Variants in ANKS1B observed in about 807,000 individuals in gnomAD.
ANKS1B encodes ankyrin repeat and sterile alpha motif domain containing 1B.
Under a neutral mutation model 148.3 loss-of-function variants are expected in ANKS1B, and 36 were observed. The ratio of observed to expected loss-of-function variants is 0.24; its 90% CI spans 0.19 to 0.32. The LOEUF (loss-of-function observed/expected upper bound fraction) is 0.32, where lower values mean the gene tolerates loss of function less well. Ranked by LOEUF, ANKS1B falls within the 10% of genes least tolerant of loss-of-function variation. The probability of loss-of-function intolerance (pLI) is 1.00; values close to 1 mark genes in which losing one functional copy is unlikely to be tolerated. For missense variants in ANKS1B, 1,157 were observed against 1,542.6 expected, an observed-to-expected ratio of 0.75 and a Z score of 4.19; for synonymous variants, 542 against 560.8, an observed-to-expected ratio of 0.97 and a Z score of 0.47.
At chr12:99,564,778 A>G (rs1044494928) in intron 9 of ANKS1B, among the ~76,000 whole-genome samples, 4 of 152,140 alleles carry the variant, frequency 2.6e-5, no homozygotes, top group South Asian at 2.1e-4. Context: ...CCTTGTTGCT[A>G]TATCTTGAAA....
chr12:98,762,345 A>G (rs1358969080), intron 25 of ANKS1B, among the ~76,000 whole-genome samples: 1 of 152,112 alleles, frequency 6.6e-6, no homozygotes, highest in Non-Finnish European at 1.5e-5. Context: ...TCTTTTACCC[A>G]GTCAACTACA....
intron 8 of ANKS1B, among the ~76,000 whole-genome samples, chr12:99,724,109 T>C (rs900630958): frequency 5.9e-5 from 9 of 151,292 alleles, no homozygotes; most frequent in African/African-American, 2.2e-4. Context: ...CTCCAAATGA[T>C]TGCAATGCCG....
At chr12:99,615,859 G>A (rs973322013) in intron 9 of ANKS1B, among the ~76,000 whole-genome samples, 11 of 152,114 alleles carry the variant, frequency 7.2e-5, no homozygotes, top group African/African-American at 1.4e-4. Flanking sequence ...AATTGTCTCC[G>A]TTTGCAGATG....
At position 99,246,770 on chromosome 12, in the gene ANKS1B, C is replaced by T. The variant is rs1031610290; in HGVS notation, c.1851G>A (p.Glu617=). The part of the protein sequence containing the change: ...GLLHGSSPAC[E]SPENPFHLYG... ...AGAGATGAAATGGATTTTCAGGGGA[C>T]TCACAGGCTGGAGAGGATCCATGGA... Residue 617 remains glutamate, a synonymous_variant, in exon 13 of 27, where the codon GAG becomes GAA. Transcript: ENST00000683438. 3 of 1,613,728 alleles carry T rather than the reference C, an allele frequency of 1.9e-6. No individual in the cohort carries two copies. Among genetic ancestry groups the T allele is most frequent in the Admixed American group, 1.7e-5 (1 of 59,988 alleles).
chr12:99,095,253 C>T (rs1021014103), intron 15 of ANKS1B, among the ~76,000 whole-genome samples: 1 of 152,176 alleles, frequency 6.6e-6, no homozygotes, highest in Non-Finnish European at 1.5e-5. Flanking sequence ...TGAGTCCTTT[C>T]CCTCTCACTA....
At chr12:99,825,466 C>A in intron 1 of ANKS1B, 77 bp from the exon 2 acceptor site, 1 of 1,120,872 alleles carries the variant, frequency 8.9e-7, no homozygotes, top group East Asian at 2.6e-5. Context: ...GGCTGGTAGC[C>A]CCACAGTCAG....
At chr12:98,768,595 G>A (rs1187403009) in intron 25 of ANKS1B, among the ~76,000 whole-genome samples, 1 of 151,698 alleles carries the variant, frequency 6.6e-6, no homozygotes, top group African/African-American at 2.4e-5. Context: ...TTAGCCGGGC[G>A]TGCTGGCGGG....
chr12:99,381,419 G>A (rs904786491), intron 12 of ANKS1B, among the ~76,000 whole-genome samples: 1 of 152,178 alleles, frequency 6.6e-6, no homozygotes, highest in East Asian at 1.9e-4. Flanking sequence ...AACGCACTGT[G>A]TAGAATGAGA....
At chr12:99,497,891 T>C (rs143712822) in intron 10 of ANKS1B, among the ~76,000 whole-genome samples, 61 of 152,126 alleles carry the variant, frequency 4.0e-4, no homozygotes, top group African/African-American at 1.4e-3. Flanking sequence ...GAAATCTTCA[T>C]GCAGTTCTTG....
chr12:99,790,435 T>G (rs1209754648), intron 4 of ANKS1B, among the ~76,000 whole-genome samples: 1 of 152,080 alleles, frequency 6.6e-6, no homozygotes, highest in Non-Finnish European at 1.5e-5. Flanking sequence ...GGTGCAAAAC[T>G]CACTGGTAAT....
chr12:99,505,328 A>T (rs966368178), intron 9 of ANKS1B, among the ~76,000 whole-genome samples: 2 of 152,010 alleles, frequency 1.3e-5, no homozygotes, highest in Non-Finnish European at 2.9e-5. Flanking sequence ...AAATAATAAC[A>T]TTCTTACAGT....
At chr12:99,179,827 T>A (rs1168346022) in intron 14 of ANKS1B, among the ~76,000 whole-genome samples, 1 of 152,228 alleles carries the variant, frequency 6.6e-6, no homozygotes, top group Non-Finnish European at 1.5e-5. Context: ...TAATGCTAAC[T>A]GTAATTACTA....
rs1002771230 is a variant in ANKS1B, at chr12:99,959,742, A to G, written c.134+24362T>C. ...TTAATTTCCTGAGTAAACATTAGTCATAGTTGACACTGAACAGCGTCCAAA... is the reference window on the plus strand; with the variant it reads ...TTAATTTCCTGAGTAAACATTAGTCGTAGTTGACACTGAACAGCGTCCAAA... On this transcript the variant is annotated intron_variant, in intron 1 of 26. Transcript: ENST00000683438. 3.3e-5 allele frequency among the ~76,000 whole-genome samples: 5 copies of G among 152,358 alleles called. 1 individual carries two copies. In the South Asian group the frequency reaches 1.0e-3, roughly 32 times the overall value.
In ANKS1B at chr12:99,876,655, G is replaced by A. The variant is rs923376451; in HGVS notation, c.135-51266C>T. Among the ~76,000 whole-genome samples, 8 of 151,670 alleles carry A rather than the reference G, an allele frequency of 5.3e-5. No individual in the cohort carries two copies. In the South Asian group the frequency reaches 8.3e-4, roughly 16 times the overall value. On this transcript the variant is annotated intron_variant, in intron 1 of 26. Transcript: ENST00000683438. ...TGAGGCAGGAGAATTGCTTGAACCC[G>A]GGAGGCAGAGGTTGCAGTAAGCCAA...
chr12:99,682,833 A>G (rs1191062257), intron 8 of ANKS1B, among the ~76,000 whole-genome samples: 6 of 152,222 alleles, frequency 3.9e-5, no homozygotes, highest in Non-Finnish European at 7.3e-5. Flanking sequence ...TGGTTCTTGG[A>G]AAAGATAAAC....
At chr12:99,905,301 C>A (rs1014008552) in intron 1 of ANKS1B, among the ~76,000 whole-genome samples, 7 of 152,182 alleles carry the variant, frequency 4.6e-5, no homozygotes, top group African/African-American at 1.7e-4. Context: ...CACTCACATC[C>A]AGAGACCATG....
chr12:99,375,798 T>A (rs544336913), intron 12 of ANKS1B, among the ~76,000 whole-genome samples: 1 of 152,306 alleles, frequency 6.6e-6, no homozygotes, highest in East Asian at 1.9e-4. Context: ...TACATAACTG[T>A]TGAGGAAATG....
intron 10 of ANKS1B, 124 bp downstream of exon 10, chr12:99,504,352 T>C (rs1161534162): frequency 2.1e-6 from 2 of 967,260 alleles, no homozygotes; most frequent in Non-Finnish European, 3.0e-6. Context: ...AAAATAATTA[T>C]TGGAACTACA....
At chr12:99,540,072 A>G (rs1031079527) in intron 9 of ANKS1B, among the ~76,000 whole-genome samples, 3 of 152,194 alleles carry the variant, frequency 2.0e-5, no homozygotes, top group Non-Finnish European at 4.4e-5. Context: ...GACAAAAAAA[A>G]AGACATTTTA....
Sources: gnomAD v4.1 joint callset for allele counts (sites outside exome capture counted in the v4.1 genomes callset) on GRCh38, gnomAD v4.1.1 for gene constraint, MANE v1.5 for transcripts, NCBI Gene and HGNC (gene_info 2026-07-23, HGNC 2026-07-21) for gene names.